Variants in BNC2 observed in about 807,000 individuals in gnomAD.
BNC2 encodes basonuclin zinc finger protein 2.
A neutral mutation model predicts 76.3 loss-of-function variants in BNC2; 20 were observed. The ratio of observed to expected loss-of-function variants is 0.26; its 90% CI spans 0.18 to 0.38. The LOEUF (loss-of-function observed/expected upper bound fraction) is 0.38. BNC2 is among the 10% of genes least tolerant of loss of function. BNC2 has a pLI of 1.00. For missense variants in BNC2, 1,382 were observed against 1,399.8 expected, an observed-to-expected ratio of 0.99 and a Z score of 0.20; for synonymous variants, 582 against 514.8, an observed-to-expected ratio of 1.13 and a Z score of -1.77.
intron 5 of BNC2, among the ~76,000 whole-genome samples, chr9:16,457,699 G>A (rs534189287): frequency 2.8e-4 from 43 of 152,204 alleles, no homozygotes; most frequent in Admixed American, 6.5e-4. Flanking sequence ...GCGCGTGTTC[G>A]GCATAAAGCA....
intron 3 of BNC2, among the ~76,000 whole-genome samples, chr9:16,672,601 C>G (rs1587299750): frequency 6.6e-6 from 1 of 152,308 alleles, no homozygotes; most frequent in Non-Finnish European, 1.5e-5. Context: ...TCGTATCACA[C>G]TCATAATCAC....
At chr9:16,725,217 TCACACACACACACACA>T (rs4007689) in intron 3 of BNC2, among the ~76,000 whole-genome samples, 3 of 148,162 alleles carry the variant, frequency 2.0e-5, no homozygotes, top group East Asian at 2.0e-4. Flanking sequence ...TCTCTCTCTC[TCACACACACACACACA>T]CACACACACA....
In BNC2 at chr9:16,803,866, C is replaced by T. The variant is rs1323049600; in HGVS notation, c.4-65381G>A. 2.6e-5 allele frequency among the ~76,000 whole-genome samples: 4 copies of T among 152,198 alleles called. No homozygotes were observed. In the East Asian group the frequency reaches 5.8e-4, roughly 22 times the overall value. On this transcript the variant is annotated intron_variant, in intron 1 of 6. Transcript: ENST00000380672. ...ACTCTAAGGAGTGCGATCTTGCATT[C>T]GGCTGAGTGAATCGCTACCAGATGC...
At position 16,644,685 on chromosome 9, in the gene BNC2, T is replaced by C. The variant is rs184031486; in HGVS notation, c.331-61600A>G. On this transcript the variant is annotated intron_variant, in intron 3 of 6. Transcript: ENST00000380672. ...GTGGCATAAGACAGTTAACACAGTGTCAGTCTAAGAGCATCAAGAGAGAAA... is the reference window on the plus strand; with the variant it reads ...GTGGCATAAGACAGTTAACACAGTGCCAGTCTAAGAGCATCAAGAGAGAAA... Among the ~76,000 whole-genome samples, 468 of 152,294 alleles carry C rather than the reference T, an allele frequency of 3.1e-3. 1 individual carries two copies. The highest frequency in any genetic ancestry group is 4.0e-3 in the Non-Finnish European group (269 of 68,012).
chr9:16,616,196 G>A (rs1428136886), intron 3 of BNC2, among the ~76,000 whole-genome samples: 1 of 151,914 alleles, frequency 6.6e-6, no homozygotes, highest in African/African-American at 2.4e-5. Context: ...AGATCAGCCT[G>A]GGCAACAAAG....
intron 1 of BNC2, among the ~76,000 whole-genome samples, chr9:16,758,119 G>T (rs952469365): frequency 1.3e-5 from 2 of 152,034 alleles, no homozygotes; most frequent in African/African-American, 4.8e-5. Context: ...GCTTCTATCC[G>T]CCACCAGCAT....
intron 5 of BNC2, among the ~76,000 whole-genome samples, chr9:16,513,369 C>T (rs530751682): frequency 1.4e-4 from 20 of 141,968 alleles, no homozygotes; most frequent in East Asian, 2.2e-4. Context: ...TGCAGTGGCA[C>T]GATCTCGGCT....
intron 5 of BNC2, among the ~76,000 whole-genome samples, chr9:16,464,839 T>C (rs1821669612): frequency 6.6e-6 from 1 of 152,188 alleles, no homozygotes; most frequent in African/African-American, 2.4e-5. Context: ...TTAAAACTAA[T>C]CATGTTCTTC....
intron 3 of BNC2, among the ~76,000 whole-genome samples, chr9:16,699,029 T>C (rs1202799006): frequency 6.6e-6 from 1 of 152,238 alleles, no homozygotes; most frequent in East Asian, 1.9e-4. Context: ...ATTCTACATT[T>C]TATAAAGCAC....
intron 3 of BNC2, among the ~76,000 whole-genome samples, chr9:16,701,007 C>G (rs1262061031): frequency 6.6e-6 from 1 of 152,100 alleles, no homozygotes; most frequent in Non-Finnish European, 1.5e-5. Context: ...CATCGCCAAG[C>G]ACAAGATAAA....
intron 5 of BNC2, among the ~76,000 whole-genome samples, chr9:16,457,658 T>G (rs1821484012): frequency 6.6e-6 from 1 of 152,210 alleles, no homozygotes; most frequent in Non-Finnish European, 1.5e-5. Flanking sequence ...TTGCCTAGCA[T>G]GGACCAAAAT....
At position 16,773,136 on chromosome 9, in the gene BNC2, G is replaced by A. The variant is rs62543866; in HGVS notation, c.4-34651C>T. On this transcript the variant is annotated intron_variant, in intron 1 of 6. Coordinates refer to ENST00000380672, the MANE Select transcript of BNC2 (RefSeq NM_017637.6). ...TGATTGCTGTTCTTTTTACTATCAA[G>A]GGACACTCTTGCCCAGACAGACGGA... Among the ~76,000 whole-genome samples the A allele has an allele frequency of 4.5e-3, 691 of 152,216 alleles. 3 individuals carry two copies. The highest frequency in any genetic ancestry group is 8.0e-3 in the Non-Finnish European group (546 of 68,014).
chr9:16,842,756 G>A (rs1324132681), intron 1 of BNC2, among the ~76,000 whole-genome samples: 1 of 150,892 alleles, frequency 6.6e-6, no homozygotes, highest in East Asian at 1.9e-4. Flanking sequence ...TTTTATTTTT[G>A]TTTTGTTTTA....
At chr9:16,778,295 A>G (rs1826024833) in intron 1 of BNC2, among the ~76,000 whole-genome samples, 1 of 152,178 alleles carries the variant, frequency 6.6e-6, no homozygotes, top group Non-Finnish European at 1.5e-5. Context: ...CAGAGACCCA[A>G]AGGAGTGCTG....
intron 3 of BNC2, among the ~76,000 whole-genome samples, chr9:16,702,616 T>A (rs747010843): frequency 1.8e-5 from 2 of 110,668 alleles, no homozygotes; most frequent in African/African-American, 2.6e-5. Context: ...CCTAAAACAT[T>A]TTATTTAAAC....
chr9:16,762,396 G>A (rs1023375566), intron 1 of BNC2, among the ~76,000 whole-genome samples: 5 of 152,100 alleles, frequency 3.3e-5, no homozygotes, highest in Admixed American at 1.3e-4. Context: ...TAGTAAAACA[G>A]TATTTCGAAA....
chr9:16,532,432 TG>T (rs1818010500), intron 5 of BNC2, among the ~76,000 whole-genome samples: 1 of 152,252 alleles, frequency 6.6e-6, no homozygotes, highest in African/African-American at 2.4e-5. Flanking sequence ...TTTTCCTCCC[TG>T]GGCACGCAGA....
At chr9:16,746,161 G>A (rs10738457) in intron 1 of BNC2, among the ~76,000 whole-genome samples, 13,465 of 152,084 alleles carry the variant, frequency 0.089, 786 homozygotes, top group Admixed American at 0.19. Context: ...TGTTTACACC[G>A]GAGCTCAAAG....
chr9:16,730,329 G>A (rs1824469270), intron 2 of BNC2, among the ~76,000 whole-genome samples: 1 of 152,168 alleles, frequency 6.6e-6, no homozygotes, highest in Non-Finnish European at 1.5e-5. Flanking sequence ...TATCAGTGTT[G>A]CAACTCATTA....
Sources: gnomAD v4.1 joint callset for allele counts (sites outside exome capture counted in the v4.1 genomes callset) on GRCh38, gnomAD v4.1.1 for gene constraint, MANE v1.5 for transcripts, NCBI Gene and HGNC (gene_info 2026-07-23, HGNC 2026-07-21) for gene names.